RBM25: variants seen among roughly 807,000 people sequenced by gnomAD.
RBM25 encodes RNA-binding protein 25.
RBM25 carries 19 observed loss-of-function variants against 120.7 expected under a neutral mutation model. The ratio of observed to expected loss-of-function variants is 0.16; its 90% CI spans 0.11 to 0.23. The LOEUF (loss-of-function observed/expected upper bound fraction) is 0.23. RBM25 is among the 10% of genes least tolerant of loss of function. The pLI, the probability that RBM25 is intolerant of heterozygous loss-of-function variation, is 1.00. For synonymous variants in RBM25, 390 were observed against 326.7 expected, an observed-to-expected ratio of 1.19 and a Z score of -2.09; for missense variants, 605 against 1,041.5, an observed-to-expected ratio of 0.58 and a Z score of 5.77.
chr14:73,111,875 A>G (rs1566601364), intron 16 of RBM25, 73 bp downstream of exon 16: 2 of 1,463,036 alleles, frequency 1.4e-6, no homozygotes, highest in Non-Finnish European at 9.1e-7. Flanking sequence ...ATTTGAAGAA[A>G]AAAAAACCTC....
intron 6 of RBM25, among the ~76,000 whole-genome samples, chr14:73,095,569 T>G (rs1437802974): frequency 6.6e-6 from 1 of 151,220 alleles, no homozygotes; most frequent in Admixed American, 6.6e-5. Context: ...ATCACGCCAC[T>G]GCATTCCAGC....
chr14:73,088,181 AT>A lies in RBM25; in HGVS notation c.543+21del. 1 of 1,613,524 alleles carries A rather than the reference AT, an allele frequency of 6.2e-7. No homozygotes were observed. The highest frequency in any genetic ancestry group is 8.5e-7 in the Non-Finnish European group (1 of 1,179,714). On this transcript the variant is annotated intron_variant, in intron 6 of 18. Transcript: ENST00000261973. ...AATGGGGTATGTTTTCTGTCGTGTT[AT>A]CTTTTCTAGGCCAGACTGTGCTATT... is the stretch of plus-strand genomic sequence containing the variant.
At chr14:73,104,143 G>A (rs1227356789) in intron 10 of RBM25, among the ~76,000 whole-genome samples, 2 of 151,920 alleles carry the variant, frequency 1.3e-5, no homozygotes, top group African/African-American at 4.8e-5. Context: ...TTGGGTCCGT[G>A]GGCATTTTTA....
Position 73,097,195 on chromosome 14 carries a change from T to TTTTTTA in RBM25, c.729+95_729+96insTTTTTA. 8.3e-5 allele frequency: 32 copies of TTTTTTA among 384,268 alleles called. 1 individual carries two copies. The highest frequency in any genetic ancestry group is 1.0e-4 in the Non-Finnish European group (30 of 288,508). 23.8% of individuals were successfully genotyped at this position (384,268 alleles called of 1,614,324 possible). ...TACATGTCAGTTTTCTTTTTTCTTT[T>TTTTTTA]CTTTTTTTTTTTTTTTTTTTTTTGA... is the stretch of plus-strand genomic sequence containing the variant. On this transcript the variant is annotated intron_variant, in intron 7 of 18. Coordinates refer to ENST00000261973, the MANE Select transcript of RBM25 (RefSeq NM_021239.3).
chr14:73,097,155 C>A, intron 7 of RBM25, 55 bp downstream of exon 7: 2 of 954,242 alleles, frequency 2.1e-6, no homozygotes, highest in Non-Finnish European at 2.8e-6. Flanking sequence ...TATGATATCA[C>A]TCTTATACTT....
chr14:73,115,294 T>C (rs1297909308), intron 18 of RBM25, among the ~76,000 whole-genome samples: 4 of 152,072 alleles, frequency 2.6e-5, no homozygotes, highest in Admixed American at 1.3e-4. Context: ...TAGTACTCAT[T>C]AGTTATTTTT....
chr14:73,058,757 G>C (rs1345144144), intron 1 of RBM25, 52 bp downstream of exon 1: 1 of 151,948 alleles, frequency 6.6e-6, no homozygotes, highest in East Asian at 1.9e-4. Context: ...GGGTGCCTCA[G>C]CTGGTGGAGG....
At chr14:73,069,631 C>G (rs1296211358) in intron 1 of RBM25, among the ~76,000 whole-genome samples, 1 of 151,388 alleles carries the variant, frequency 6.6e-6, no homozygotes, top group Non-Finnish European at 1.5e-5. Context: ...TGGGGTTTCT[C>G]CATGTTAGCT....
At chr14:73,065,735 G>T (rs891254348) in intron 1 of RBM25, among the ~76,000 whole-genome samples, 1 of 151,190 alleles carries the variant, frequency 6.6e-6, no homozygotes, top group Admixed American at 6.6e-5. Flanking sequence ...TATATTTTTA[G>T]TGGAGACAGG....
Position 73,058,713 on chromosome 14 carries a change from T to C in RBM25, c.-16+8T>C, listed in dbSNP as rs1047087839. 3.9e-5 allele frequency: 6 copies of C among 151,940 alleles called. No homozygotes were observed. The highest frequency in any genetic ancestry group is 1.5e-4 in the African/African-American group (6 of 41,332). The allele number at this position is 151,940 out of a possible 1,614,324, so 9.4% of individuals were successfully genotyped here. ...CCGTTTCCTCAGCGGCGGGTGAGTT[T>C]GTGTCTCTGAACGCGTGTGGAAACC... On this transcript the variant is annotated splice_region_variant and intron_variant, in intron 1 of 18. Coordinates refer to ENST00000261973, the MANE Select transcript of RBM25 (RefSeq NM_021239.3).
At chr14:73,089,464 C>T (rs1268276970) in intron 6 of RBM25, among the ~76,000 whole-genome samples, 1 of 151,772 alleles carries the variant, frequency 6.6e-6, no homozygotes, top group East Asian at 1.9e-4. Flanking sequence ...AGGTGATTCT[C>T]CTGCCTCAGC....
At chr14:73,085,325 A>G (rs115341322) in intron 5 of RBM25, among the ~76,000 whole-genome samples, 3,568 of 130,556 alleles carry the variant, frequency 0.027, 292 homozygotes, top group African/African-American at 0.085. Context: ...CCTCATCAGT[A>G]GTCTGTTTTG....
rs2140470604 is a variant in RBM25, at chr14:73,120,114, A to C, written c.*309A>C. 60 of 200,226 alleles carry C rather than the reference A, an allele frequency of 3.0e-4. No homozygotes were observed. Among genetic ancestry groups the C allele is most frequent in the East Asian group, 8.7e-4 (5 of 5,760 alleles). 12.4% of individuals were successfully genotyped at this position (200,226 alleles called of 1,614,324 possible). The stretch of plus-strand genomic sequence containing the variant: ...CTGATTTGTTTCTTGTAAATATTAA[A>C]ACGACTCCCCAATTATTTTGCAGAA... On this transcript the variant is annotated 3_prime_UTR_variant, in exon 19 of 19. Coordinates refer to ENST00000261973, the MANE Select transcript of RBM25 (RefSeq NM_021239.3).
chr14:73,103,994 A>ACACTCT (rs1339176135), intron 10 of RBM25, among the ~76,000 whole-genome samples: 43 of 99,440 alleles, frequency 4.3e-4, no homozygotes, highest in South Asian at 1.2e-3. Context: ...ACACACACAC[A>ACACTCT]CTCTCTCTCT....
intron 1 of RBM25, among the ~76,000 whole-genome samples, chr14:73,062,674 C>G (rs1383957503): frequency 2.0e-5 from 3 of 151,402 alleles, no homozygotes; most frequent in Non-Finnish European, 4.4e-5. Flanking sequence ...GATATGTCTT[C>G]AGGGTTTCTT....
intron 9 of RBM25, chr14:73,100,301 A>C (rs1222629644): frequency 1.5e-6 from 1 of 689,626 alleles, no homozygotes; most frequent in Non-Finnish European, 2.7e-6. Context: ...ATTATGATAG[A>C]GATCATATGG....
rs1895135532 is a variant in RBM25, at chr14:73,066,440, AGCCTG to A, written c.-15-5183_-15-5179del. On this transcript the variant is annotated intron_variant, in intron 1 of 18. Transcript: ENST00000261973. ...CACTTGAGGCCAGGAGTTTGAGACCAGCCTGGCCATACATGGTGAAACCCCGTCTC... is the reference window on the plus strand; with the variant it reads ...CACTTGAGGCCAGGAGTTTGAGACCAGCCATACATGGTGAAACCCCGTCTC... Among the ~76,000 whole-genome samples, 11 of 152,166 alleles carry A rather than the reference AGCCTG, an allele frequency of 7.2e-5. 1 individual carries two copies. Among genetic ancestry groups the A allele is most frequent in the Admixed American group, 7.2e-4 (11 of 15,258 alleles).
intron 17 of RBM25, among the ~76,000 whole-genome samples, chr14:73,112,705 A>G (rs1393449072): frequency 6.6e-6 from 1 of 152,120 alleles, no homozygotes; most frequent in African/African-American, 2.4e-5. Context: ...TTCCTTTCAT[A>G]TCGTAGTAAC....
intron 6 of RBM25, among the ~76,000 whole-genome samples, chr14:73,092,377 G>T (rs1047515068): frequency 1.3e-5 from 2 of 152,030 alleles, no homozygotes; most frequent in African/African-American, 4.8e-5. Context: ...ATTAGTTGGA[G>T]AAATTTAGAA....
Sources: allele counts gnomAD v4.1 joint callset (sites outside exome capture counted in the v4.1 genomes callset), GRCh38; gene constraint gnomAD v4.1.1; transcripts MANE v1.5; gene names NCBI Gene and HGNC (gene_info 2026-07-23, HGNC 2026-07-21).